SLC67A2: variants seen among roughly 807,000 people sequenced by gnomAD.
The protein encoded by SLC67A2 is solute carrier family 67 member 2, also known as solute carrier family 67 member A2.
the SLC67A2 span, among the ~76,000 whole-genome samples, chr2:102,734,615 G>A: frequency 6.6e-6 from 1 of 151,686 alleles, no homozygotes; most frequent in South Asian, 2.1e-4. Flanking sequence ...AGCTTTATGT[G>A]ACTTTCATGT....
At chr2:102,721,552 G>A in the SLC67A2 span, among the ~76,000 whole-genome samples, 1 of 152,050 alleles carries the variant, frequency 6.6e-6, no homozygotes, top group Non-Finnish European at 1.5e-5. Flanking sequence ...ATGAATTCTC[G>A]TTTATGAAGT....
the SLC67A2 span, among the ~76,000 whole-genome samples, chr2:102,734,178 C>T: frequency 6.6e-6 from 1 of 152,116 alleles, no homozygotes; most frequent in African/African-American, 2.4e-5. Flanking sequence ...TGAATATGTA[C>T]ACTCAAAAGT....
chr2:102,718,963 C>A, the SLC67A2 span: 2 of 1,614,130 alleles, frequency 1.2e-6, no homozygotes, highest in Non-Finnish European at 1.7e-6. Context: ...CCATGGCCAT[C>A]AGCAAGCGCA....
At chr2:102,732,085 C>T in the SLC67A2 span, 1 of 630,442 alleles carries the variant, frequency 1.6e-6, no homozygotes, top group East Asian at 3.4e-5. Context: ...CCACTAGTGG[C>T]ATGGGACTTG....
At chr2:102,720,568 T>C in the SLC67A2 span, among the ~76,000 whole-genome samples, 1 of 143,524 alleles carries the variant, frequency 7.0e-6, no homozygotes, top group Non-Finnish European at 1.6e-5. Flanking sequence ...TATGCAATCC[T>C]ACCTCAGGCT....
chr2:102,731,112 C>A, the SLC67A2 span: 1 of 1,543,236 alleles, frequency 6.5e-7, no homozygotes, highest in South Asian at 1.1e-5. Context: ...CTAGAGCTAT[C>A]ACAAAAATGG....
chr2:102,731,394 CAGCATAGAGAGTACTCAGGGGAA>C, the SLC67A2 span, among the ~76,000 whole-genome samples: 12 of 152,068 alleles, frequency 7.9e-5, no homozygotes, highest in African/African-American at 2.9e-4. Context: ...ACTTATGAAA[CAGCATAGAGAGTACTCAGGGGAA>C]TAGAAATTTA....
At chr2:102,723,790 C>G in the SLC67A2 span, 2 of 1,614,002 alleles carry the variant, frequency 1.2e-6, no homozygotes, top group African/African-American at 1.3e-5. Flanking sequence ...ACCACGGGGC[C>G]CAAGATGAAG....
At chr2:102,736,549 C>CA in the SLC67A2 span, 1 of 1,608,818 alleles carries the variant, frequency 6.2e-7, no homozygotes, top group Non-Finnish European at 8.5e-7. Flanking sequence ...TGCGGGTTCC[C>CA]ACTCCCTGGG....
At chr2:102,720,850 C>T in the SLC67A2 span, among the ~76,000 whole-genome samples, 1 of 152,094 alleles carries the variant, frequency 6.6e-6, no homozygotes, top group Non-Finnish European at 1.5e-5. Context: ...AAAGCGTTGA[C>T]GAAAACAGCT....
the SLC67A2 span, chr2:102,731,201 A>G: frequency 1.7e-6 from 1 of 602,518 alleles, no homozygotes; most frequent in Non-Finnish European, 2.7e-6. Flanking sequence ...ATTATCTCAC[A>G]TCTTTTTTTT....
chr2:102,723,789 C>T, the SLC67A2 span: 8 of 1,614,150 alleles, frequency 5.0e-6, no homozygotes, highest in Non-Finnish European at 5.9e-6. Context: ...GACCACGGGG[C>T]CCAAGATGAA....
At chr2:102,718,793 T>C in the SLC67A2 span, 41 of 1,613,766 alleles carry the variant, frequency 2.5e-5, no homozygotes, top group South Asian at 4.4e-5. Context: ...CAGCAGTGCC[T>C]GCGAGTTGTG....
the SLC67A2 span, among the ~76,000 whole-genome samples, chr2:102,732,598 G>T: frequency 1.3e-5 from 2 of 152,088 alleles, no homozygotes; most frequent in African/African-American, 4.8e-5. Flanking sequence ...GTCTGACCTG[G>T]GATCCGTTTT....
At chr2:102,716,661 C>CAAA in the SLC67A2 span, 2 of 152,108 alleles carry the variant, frequency 1.3e-5, no homozygotes, top group Admixed American at 1.3e-4. Context: ...TACTGCTTTA[C>CAAA]AAACAATAAA....
At chr2:102,718,459 G>A in the SLC67A2 span, 3 of 1,614,156 alleles carry the variant, frequency 1.9e-6, no homozygotes, top group South Asian at 2.2e-5. Flanking sequence ...CACCACTAGA[G>A]TGTCGCTTGT....
At chr2:102,730,588 G>A in the SLC67A2 span, among the ~76,000 whole-genome samples, 2 of 151,180 alleles carry the variant, frequency 1.3e-5, no homozygotes, top group African/African-American at 2.4e-5. Context: ...TGTCGTCCAG[G>A]CTGGAGTGCA....
the SLC67A2 span, chr2:102,718,808 T>C: frequency 1.2e-6 from 2 of 1,613,688 alleles, no homozygotes; most frequent in Non-Finnish European, 1.7e-6. Flanking sequence ...GTTGTGCTTG[T>C]ACAGCCGTAG....
At chr2:102,728,759 C>T in the SLC67A2 span, among the ~76,000 whole-genome samples, 2 of 152,162 alleles carry the variant, frequency 1.3e-5, no homozygotes, top group African/African-American at 4.8e-5. Context: ...TGACCTCGGA[C>T]ATATGAGCTA....
Sources: allele counts gnomAD v4.1 joint callset (sites outside exome capture counted in the v4.1 genomes callset), GRCh38; gene constraint gnomAD v4.1.1; transcripts MANE v1.5; gene names NCBI Gene and HGNC (gene_info 2026-07-23, HGNC 2026-07-21).